IL1R1: variants seen among roughly 807,000 people sequenced by gnomAD.
IL1R1 encodes interleukin 1 receptor type 1.
IL1R1 carries 22 observed loss-of-function variants against 50.2 expected under a neutral mutation model. The observed-to-expected ratio is 0.44, with a 90% CI of 0.31 to 0.63. IL1R1 has a LOEUF of 0.63. IL1R1 is among the 20% of genes least tolerant of loss of function. The pLI, the probability that IL1R1 is intolerant of heterozygous loss-of-function variation, is 0.07. For missense variants in IL1R1, 509 were observed against 676.2 expected (o/e 0.75, Z 2.74); for synonymous variants, 251 against 236.7 (o/e 1.06, Z -0.55).
At chr2:102,129,380 T>C in intron 1 of IL1R1, among the ~76,000 whole-genome samples, 1 of 152,168 alleles carries the variant, frequency 6.6e-6, no homozygotes, top group Admixed American at 6.5e-5. Context: ...TATTAAAGTG[T>C]CTAAATCATG....
intron 1 of IL1R1, among the ~76,000 whole-genome samples, chr2:102,076,874 T>A (rs1452575225): frequency 2.0e-5 from 3 of 151,996 alleles, no homozygotes; most frequent in South Asian, 2.1e-4. Context: ...TTTATTCAAA[T>A]TTTTTTTCTA....
At chr2:102,101,079 C>T (rs563165166), upstream of IL1R1, among the ~76,000 whole-genome samples, 2 of 152,266 alleles carry the variant, frequency 1.3e-5, no homozygotes, top group African/African-American at 2.4e-5. Context: ...AATTAGCACT[C>T]CCTGTGTTAC....
chr2:102,081,109 A>G (rs1679188097), intron 1 of IL1R1, among the ~76,000 whole-genome samples: 1 of 152,158 alleles, frequency 6.6e-6, no homozygotes, highest in African/African-American at 2.4e-5. Flanking sequence ...TTTGGGGGTG[A>G]TGAAAATGCT....
intron 1 of IL1R1, among the ~76,000 whole-genome samples, chr2:102,135,551 G>A (rs1196709791): frequency 2.0e-5 from 3 of 152,190 alleles, no homozygotes; most frequent in Admixed American, 6.5e-5. Flanking sequence ...GTGAGAGCAG[G>A]TAGGATTTGA....
intron 1 of IL1R1, among the ~76,000 whole-genome samples, chr2:102,120,371 T>A (rs992674209): frequency 1.3e-5 from 2 of 152,132 alleles, no homozygotes; most frequent in Non-Finnish European, 2.9e-5. Context: ...GCTCTGTGGC[T>A]GTGTGTTGCA....
chr2:102,083,500 C>G (rs1465564291), intron 1 of IL1R1, among the ~76,000 whole-genome samples: 1 of 152,152 alleles, frequency 6.6e-6, no homozygotes, highest in Admixed American at 6.5e-5. Context: ...AATCCCTGAG[C>G]TGGCCTTGAC....
At chr2:102,106,549 G>A (rs1233364489) in intron 1 of IL1R1, among the ~76,000 whole-genome samples, 1 of 152,054 alleles carries the variant, frequency 6.6e-6, no homozygotes, top group Non-Finnish European at 1.5e-5. Flanking sequence ...TCTAAAATAC[G>A]TCCTTGGAAC....
intron 1 of IL1R1, among the ~76,000 whole-genome samples, chr2:102,128,852 T>C (rs1179815405): frequency 1.3e-5 from 2 of 152,118 alleles, no homozygotes; most frequent in East Asian, 1.9e-4. Flanking sequence ...ATTTTACTCA[T>C]TGGGTAATCT....
In IL1R1 at chr2:102,176,895, A is replaced by G. The variant is rs1394441896; in HGVS notation, c.*136A>G. Reference sequence around the variant, plus strand: ...TTTATCCCTGAGGTCACCTGGAATCAGATTATTAAGGGAATAAGCCATGAC... The same window carrying G: ...TTTATCCCTGAGGTCACCTGGAATCGGATTATTAAGGGAATAAGCCATGAC... On this transcript the variant is annotated 3_prime_UTR_variant, in exon 12 of 12. Transcript: ENST00000410023. The G allele has an allele frequency of 2.4e-6, 2 of 828,356 alleles. No individual in the cohort carries two copies. The highest frequency in any genetic ancestry group is 3.8e-6 in the Non-Finnish European group (2 of 522,200). The allele number at this position is 828,356 out of a possible 1,614,324, so 51.3% of individuals were successfully genotyped here.
intron 1 of IL1R1, among the ~76,000 whole-genome samples, chr2:102,099,209 CA>C (rs1400576585): frequency 1.3e-5 from 2 of 152,128 alleles, no homozygotes; most frequent in African/African-American, 4.8e-5. Context: ...TTTCCTATTT[CA>C]AAATGTGAAT....
chr2:102,171,883 TGAA>T lies in IL1R1; in HGVS notation c.807_809del (p.Glu269del), dbSNP rs1405363449. 2 of 1,606,246 alleles carry T rather than the reference TGAA, an allele frequency of 1.2e-6. No individual in the cohort carries two copies. Among genetic ancestry groups the T allele is most frequent in the Non-Finnish European group, 1.7e-6 (2 of 1,173,730 alleles). On this transcript the variant is annotated inframe_deletion, in exon 8 of 12. Transcript: ENST00000410023. ...GGAAGTGGAATGGGTCAGTAATTGA[TGAA>T]GATGACCCAGTGCTAGGGGAAGACT...
intron 1 of IL1R1, among the ~76,000 whole-genome samples, chr2:102,080,473 G>C (rs1679156580): frequency 3.3e-5 from 5 of 152,196 alleles, no homozygotes; most frequent in Admixed American, 2.6e-4. Flanking sequence ...CACATTAAAA[G>C]ATGCTCGACA....
At chr2:102,099,105 C>T (rs1045827830) in intron 1 of IL1R1, among the ~76,000 whole-genome samples, 3 of 152,092 alleles carry the variant, frequency 2.0e-5, no homozygotes, top group South Asian at 2.1e-4. Context: ...AAATATACAT[C>T]GAGGCATTGT....
rs76853058 is a variant in IL1R1, at chr2:102,092,154, C to T, written c.-84+21621C>T. ...CTCAAGCTTCTGATTGTCAGAGTAG[C>T]CCCACATAACCATTAAAAGCTTTGC... On this transcript the variant is annotated intron_variant, in intron 1 of 11. Transcript: ENST00000409929. Among the ~76,000 whole-genome samples, 610 of 152,246 alleles carry T rather than the reference C, an allele frequency of 4.0e-3. 15 individuals are homozygous for T. In the East Asian group the frequency reaches 0.057, roughly 14 times the overall value.
chr2:102,104,315 C>T (rs1008316934), upstream of IL1R1, among the ~76,000 whole-genome samples: 1 of 152,190 alleles, frequency 6.6e-6, no homozygotes, highest in Non-Finnish European at 1.5e-5. Flanking sequence ...AAGCTTAGGC[C>T]ACCACAGGCC....
intron 1 of IL1R1, among the ~76,000 whole-genome samples, chr2:102,148,597 A>AT (rs1300910378): frequency 6.6e-6 from 1 of 152,202 alleles, no homozygotes; most frequent in Non-Finnish European, 1.5e-5. Flanking sequence ...TAATAGAAAA[A>AT]TAATAACTCC....
intron 3 of IL1R1, among the ~76,000 whole-genome samples, chr2:102,163,267 C>G (rs1005641486): frequency 6.6e-6 from 1 of 152,088 alleles, no homozygotes; most frequent in Non-Finnish European, 1.5e-5. Flanking sequence ...ATATGGGGGC[C>G]TATGTATACA....
At chr2:102,168,455 CT>C (rs1363220342) in intron 6 of IL1R1, 142 bp from the exon 7 acceptor site, 2 of 692,698 alleles carry the variant, frequency 2.9e-6, no homozygotes, top group Non-Finnish European at 5.3e-6. Context: ...CACTTTCTGC[CT>C]CCTGTCTCCT....
At chr2:102,096,830 A>C (rs915049015) in intron 1 of IL1R1, among the ~76,000 whole-genome samples, 1 of 151,792 alleles carries the variant, frequency 6.6e-6, no homozygotes, top group Non-Finnish European at 1.5e-5. Flanking sequence ...TTTATTCTTA[A>C]AGATGGGAGA....
Sources: gnomAD v4.1 joint callset for allele counts (sites outside exome capture counted in the v4.1 genomes callset) on GRCh38, gnomAD v4.1.1 for gene constraint, MANE v1.5 for transcripts, NCBI Gene and HGNC (gene_info 2026-07-23, HGNC 2026-07-21) for gene names.